Variants in RBPMS observed in about 807,000 individuals in gnomAD.
RBPMS encodes RNA binding protein, mRNA processing factor.
Under a neutral mutation model 26.8 loss-of-function variants are expected in RBPMS, and 7 were observed. The observed-to-expected ratio is 0.26, with a 90% CI of 0.15 to 0.49. The LOEUF (loss-of-function observed/expected upper bound fraction) is 0.49. RBPMS is among the 20% of genes least tolerant of loss of function. RBPMS has a pLI of 0.98. For missense variants in RBPMS, 186 were observed against 250.0 expected, an observed-to-expected ratio of 0.74 and a Z score of 1.73; for synonymous variants, 96 against 93.3, an observed-to-expected ratio of 1.03 and a Z score of -0.17.
chr8:30,514,441 TG>T (rs1332471336), intron 5 of RBPMS, among the ~76,000 whole-genome samples: 1 of 152,224 alleles, frequency 6.6e-6, no homozygotes, highest in East Asian at 1.9e-4. Flanking sequence ...TGACAGTTTT[TG>T]TTCCAAATAA....
At chr8:30,441,736 A>C (rs1813094765) in intron 1 of RBPMS, among the ~76,000 whole-genome samples, 1 of 152,226 alleles carries the variant, frequency 6.6e-6, no homozygotes, top group Non-Finnish European at 1.5e-5. Flanking sequence ...GGGGTAAAGG[A>C]ATGTTCTGAT....
At chr8:30,478,645 G>A (rs766359055) in intron 3 of RBPMS, among the ~76,000 whole-genome samples, 5 of 152,056 alleles carry the variant, frequency 3.3e-5, no homozygotes, top group South Asian at 2.1e-4. Flanking sequence ...GACTACAGGC[G>A]CATGCCACCA....
In RBPMS at chr8:30,566,347, A is replaced by C. The variant is rs1349650965; in HGVS notation, c.*98A>C. The C allele has an allele frequency of 1.1e-6, 1 of 942,824 alleles. No homozygotes were observed. The highest frequency in any genetic ancestry group is 1.2e-6 in the Non-Finnish European group (1 of 805,606). 58.4% of individuals were successfully genotyped at this position (942,824 alleles called of 1,614,324 possible). On this transcript the variant is annotated 3_prime_UTR_variant, in exon 8 of 9. Transcript: ENST00000397323. Reference sequence around the variant, plus strand: ...TACTGTTCTCTAGCTGTTCTACAAAACTGGAGCATGCTGGTGAGTAACAGT... The same window carrying C: ...TACTGTTCTCTAGCTGTTCTACAAACCTGGAGCATGCTGGTGAGTAACAGT...
chr8:30,518,814 C>T (rs16877117), intron 5 of RBPMS, among the ~76,000 whole-genome samples: 3,041 of 148,282 alleles, frequency 0.021, 96 homozygotes, highest in African/African-American at 0.071. Context: ...CTCCTGACCT[C>T]AGTGTAAGCC....
intron 5 of RBPMS, among the ~76,000 whole-genome samples, chr8:30,521,737 A>T (rs1013710681): frequency 1.3e-5 from 2 of 152,068 alleles, no homozygotes; most frequent in Admixed American, 1.3e-4. Flanking sequence ...ATTCCAATTC[A>T]TGTATACACC....
intron 5 of RBPMS, among the ~76,000 whole-genome samples, chr8:30,523,010 T>C (rs1290407533): frequency 1.3e-5 from 2 of 152,198 alleles, no homozygotes; most frequent in Non-Finnish European, 2.9e-5. Context: ...AGCTGGTGAT[T>C]CTGTTCTCTG....
chr8:30,550,205 C>T (rs186742977), intron 6 of RBPMS, among the ~76,000 whole-genome samples: 20 of 152,262 alleles, frequency 1.3e-4, no homozygotes, highest in African/African-American at 3.1e-4. Flanking sequence ...GAGAGCTCTG[C>T]GGGGCTTCAT....
intron 6 of RBPMS, among the ~76,000 whole-genome samples, chr8:30,546,964 A>G (rs1825917574): frequency 6.6e-6 from 1 of 152,160 alleles, no homozygotes; most frequent in African/African-American, 2.4e-5. Flanking sequence ...GGCTCACCAC[A>G]GACTTATTCT....
chr8:30,485,858 C>T (rs1335771076), intron 4 of RBPMS, among the ~76,000 whole-genome samples: 1 of 152,200 alleles, frequency 6.6e-6, no homozygotes, highest in African/African-American at 2.4e-5. Flanking sequence ...GCTCTGTTCT[C>T]TTCATGGTGG....
chr8:30,463,073 A>G lies in RBPMS; in HGVS notation c.67-11706A>G, dbSNP rs1040865545. ...ATAACAGTTGCATGATAATACCATC[A>G]CATGCACCTTCTCTTAGGATTGCCT... On this transcript the variant is annotated intron_variant, in intron 1 of 8. Transcript: ENST00000397323. Among the ~76,000 whole-genome samples the G allele has an allele frequency of 2.6e-5, 4 of 152,306 alleles. No homozygotes were observed. In the South Asian group the frequency reaches 8.3e-4, roughly 32 times the overall value.
chr8:30,548,170 G>T (rs971162306), intron 6 of RBPMS, among the ~76,000 whole-genome samples: 2 of 152,210 alleles, frequency 1.3e-5, no homozygotes, highest in Non-Finnish European at 2.9e-5. Context: ...TATTTGAAAT[G>T]TGTTAATTAG....
At chr8:30,544,395 C>A in intron 5 of RBPMS, 99 bp from the exon 6 acceptor site, 1 of 1,193,726 alleles carries the variant, frequency 8.4e-7, no homozygotes, top group South Asian at 1.4e-5. Flanking sequence ...ATTTGACTTC[C>A]GACAGTGATT....
intron 4 of RBPMS, among the ~76,000 whole-genome samples, chr8:30,483,654 T>C (rs901625788): frequency 6.6e-6 from 1 of 152,140 alleles, no homozygotes; most frequent in African/African-American, 2.4e-5. Flanking sequence ...ATGTACTCTT[T>C]CTTGGCATTA....
chr8:30,423,497 C>T (rs903750792), intron 1 of RBPMS, among the ~76,000 whole-genome samples: 4 of 152,120 alleles, frequency 2.6e-5, no homozygotes, highest in African/African-American at 9.7e-5. Context: ...CTAGTATGGG[C>T]GGGGCTTCCA....
chr8:30,408,829 C>T (rs923761753), intron 1 of RBPMS, among the ~76,000 whole-genome samples: 5 of 152,190 alleles, frequency 3.3e-5, no homozygotes, highest in Non-Finnish European at 7.3e-5. Context: ...TGAAAAAAAT[C>T]CCAAATTCAT....
At chr8:30,476,310 T>C (rs536940769) in intron 2 of RBPMS, among the ~76,000 whole-genome samples, 11 of 152,356 alleles carry the variant, frequency 7.2e-5, no homozygotes, top group African/African-American at 2.6e-4. Context: ...TGAACTATTA[T>C]GTTATACTGC....
At chr8:30,411,664 GAAA>G (rs796071124) in intron 1 of RBPMS, among the ~76,000 whole-genome samples, 11 of 28,214 alleles carry the variant, frequency 3.9e-4, no homozygotes, top group Admixed American at 1.3e-3. Context: ...CCCTGTCTCA[GAAA>G]AAAAAAAAAA....
intron 5 of RBPMS, among the ~76,000 whole-genome samples, chr8:30,516,095 T>C (rs913147367): frequency 3.9e-5 from 6 of 152,212 alleles, no homozygotes; most frequent in African/African-American, 1.2e-4. Flanking sequence ...ATTAACATTT[T>C]TTGGCCAGGC....
Position 30,454,798 on chromosome 8 carries a change from T to A in RBPMS, c.67-19981T>A, listed in dbSNP as rs571928547. Among the ~76,000 whole-genome samples, 3 of 152,328 alleles carry A rather than the reference T, an allele frequency of 2.0e-5. No homozygotes were observed. In the East Asian group the frequency reaches 5.8e-4, roughly 29 times the overall value. On this transcript the variant is annotated intron_variant, in intron 1 of 8. Transcript: ENST00000397323. ...AAGTAGTGTTATCTAATTTGAGTTC[T>A]TAAATTCTTGGGTTTCTTTTTGTTT...
Sources: allele counts gnomAD v4.1 joint callset (sites outside exome capture counted in the v4.1 genomes callset), GRCh38; gene constraint gnomAD v4.1.1; transcripts MANE v1.5; gene names NCBI Gene and HGNC (gene_info 2026-07-23, HGNC 2026-07-21).